AK9: variants seen among roughly 807,000 people sequenced by gnomAD.
The protein encoded by AK9 is adenylate kinase domain containing 1.
Under a neutral mutation model 239.6 loss-of-function variants are expected in AK9, and 191 were observed. The observed-to-expected ratio is 0.80, with a 90% CI of 0.71 to 0.90. The LOEUF is 0.90. Among genes scored for constraint, AK9 ranks in the 40% least tolerant of loss-of-function variants. The pLI is 0.00. For missense variants in AK9, 1,995 were observed against 2,214.7 expected, an observed-to-expected ratio of 0.90 and a Z score of 1.99; for synonymous variants, 689 against 721.0, an observed-to-expected ratio of 0.96 and a Z score of 0.71.
At chr6:109,600,842 CT>C (rs1791843851) in intron 17 of AK9, among the ~76,000 whole-genome samples, 1 of 152,170 alleles carries the variant, frequency 6.6e-6, no homozygotes, top group Non-Finnish European at 1.5e-5. Flanking sequence ...TCCATTTCTT[CT>C]AAATTTTCTA....
At chr6:109,588,740 T>C (rs902059641) in intron 17 of AK9, among the ~76,000 whole-genome samples, 1 of 152,014 alleles carries the variant, frequency 6.6e-6, no homozygotes, top group African/African-American at 2.4e-5. Flanking sequence ...TTTTAACCCA[T>C]GTTAATTTTG....
chr6:109,598,494 T>C (rs1791390490), intron 17 of AK9, among the ~76,000 whole-genome samples: 1 of 152,200 alleles, frequency 6.6e-6, no homozygotes, highest in South Asian at 2.1e-4. Context: ...TTGGGTTGGT[T>C]CTAAGTCTTT....
In AK9 at chr6:109,493,126, T is replaced by C; in HGVS notation, c.*243A>G. The stretch of plus-strand genomic sequence containing the variant: ...AATTATAAATAGAATGTTTATTTTG[T>C]TAAAGCATCAAAGTTCAGGCAAAGA... On this transcript the variant is annotated 3_prime_UTR_variant, in exon 41 of 41. Transcript: ENST00000424296. 2.9e-6 allele frequency: 1 copy of C among 342,236 alleles called. No individual in the cohort carries two copies. Among genetic ancestry groups the C allele is most frequent in the South Asian group, 8.3e-5 (1 of 12,042 alleles). The allele number at this position is 342,236 out of a possible 1,614,324, so 21.2% of individuals were successfully genotyped here. A position where few individuals can be genotyped will look rare whatever the true frequency, so the allele number is the denominator to read the frequency against.
chr6:109,618,084 T>C (rs1794392276), intron 13 of AK9, among the ~76,000 whole-genome samples: 1 of 152,112 alleles, frequency 6.6e-6, no homozygotes. Flanking sequence ...AAAACATAAT[T>C]AGGAAAAGGA....
chr6:109,553,983 G>A (rs1784662605), intron 24 of AK9, among the ~76,000 whole-genome samples: 1 of 152,152 alleles, frequency 6.6e-6, no homozygotes, highest in Non-Finnish European at 1.5e-5. Context: ...CTTTGGTTCT[G>A]TTTATGTGAT....
At chr6:109,620,478 G>C (rs1341616945) in intron 12 of AK9, among the ~76,000 whole-genome samples, 1 of 151,890 alleles carries the variant, frequency 6.6e-6, no homozygotes, top group South Asian at 2.1e-4. Context: ...GCCTAAAATT[G>C]TGTTAGAATA....
intron 21 of AK9, among the ~76,000 whole-genome samples, chr6:109,573,167 C>T (rs968127818): frequency 6.6e-6 from 1 of 152,120 alleles, no homozygotes; most frequent in African/African-American, 2.4e-5. Context: ...TATTTTACTA[C>T]CTTTAATGAC....
chr6:109,506,977 G>T (rs1460615184), intron 33 of AK9, among the ~76,000 whole-genome samples, 177 bp from the exon 34 acceptor site: 1 of 151,998 alleles, frequency 6.6e-6, no homozygotes, highest in African/African-American at 2.4e-5. Context: ...TCTCAGTCAG[G>T]CCAAGAGCCA....
Position 109,550,087 on chromosome 6 carries a change from C to G in AK9, c.2964+3G>C. On this transcript the variant is annotated splice_donor_region_variant and intron_variant, in intron 25 of 40. Coordinates refer to ENST00000424296, the MANE Select transcript of AK9 (RefSeq NM_001145128.3). ...AATCATTAAGATAGGAATACTGTCT[C>G]ACCTTCAATGGTTCTTCATGAGCCA... The G allele has an allele frequency of 2.5e-6, 4 of 1,613,212 alleles. No homozygotes were observed. The highest frequency in any genetic ancestry group is 3.4e-6 in the Non-Finnish European group (4 of 1,179,782).
intron 29 of AK9, among the ~76,000 whole-genome samples, chr6:109,525,477 C>T (rs1163551795): frequency 6.6e-6 from 1 of 152,068 alleles, no homozygotes; most frequent in African/African-American, 2.4e-5. Context: ...CCCAAAACAA[C>T]AACCCCATTA....
intron 12 of AK9, among the ~76,000 whole-genome samples, chr6:109,620,927 T>C (rs1794733606): frequency 1.3e-5 from 2 of 151,898 alleles, no homozygotes; most frequent in African/African-American, 4.8e-5. Flanking sequence ...GGCATAGGAA[T>C]TGGAAATACA....
intron 35 of AK9, among the ~76,000 whole-genome samples, chr6:109,505,245 T>A (rs1379686286): frequency 7.9e-5 from 12 of 152,222 alleles, no homozygotes; most frequent in Admixed American, 7.9e-4. Context: ...TATAGGACTC[T>A]CTTAGTCACA....
At chr6:109,512,959 G>A (rs1372768057) in intron 32 of AK9, among the ~76,000 whole-genome samples, 1 of 152,162 alleles carries the variant, frequency 6.6e-6, no homozygotes, top group African/African-American at 2.4e-5. Flanking sequence ...AATTTCCTTG[G>A]CTCAAGTGGT....
chr6:109,613,403 A>G (rs1793805353), intron 15 of AK9, among the ~76,000 whole-genome samples: 1 of 152,018 alleles, frequency 6.6e-6, no homozygotes. Context: ...AACAAATATG[A>G]ATATAAATTT....
At position 109,506,944 on chromosome 6, in the gene AK9, C is replaced by A. The variant is rs148159523; in HGVS notation, c.4482-144G>T. The A allele has an allele frequency of 6.2e-5, 80 of 1,289,428 alleles. 1 individual carries two copies. In the South Asian group the frequency reaches 1.3e-3, roughly 21 times the overall value. The allele number at this position is 1,289,428 out of a possible 1,614,324, so 79.9% of individuals were successfully genotyped here. On this transcript the variant is annotated intron_variant, in intron 33 of 40. Coordinates refer to ENST00000424296, the MANE Select transcript of AK9 (RefSeq NM_001145128.3). ...TCAATTTATTTTCTTCACACTTTGCCCTCTTCATCTCTACATCTTTAATCT... is the reference window on the plus strand; with the variant it reads ...TCAATTTATTTTCTTCACACTTTGCACTCTTCATCTCTACATCTTTAATCT...
At chr6:109,589,890 C>A (rs1228516664) in intron 17 of AK9, among the ~76,000 whole-genome samples, 1 of 152,058 alleles carries the variant, frequency 6.6e-6, no homozygotes, top group Non-Finnish European at 1.5e-5. Context: ...TATGCTGAAC[C>A]AACCTTGCAT....
chr6:109,498,945 A>G (rs937097111), intron 36 of AK9, 99 bp downstream of exon 36: 1 of 1,045,726 alleles, frequency 9.6e-7, no homozygotes, highest in Non-Finnish European at 1.3e-6. Flanking sequence ...TGGGGCTCCT[A>G]GTCCCAAGTT....
Position 109,569,644 on chromosome 6 carries a change from G to C in AK9, c.2344+3798C>G, listed in dbSNP as rs1323332163. ...GGATATGAACAGACACTTCTCAAAA[G>C]AAGACATTTCTGCAGCCAACAGACC... is the stretch of plus-strand genomic sequence containing the variant. On this transcript the variant is annotated intron_variant, in intron 21 of 40. Transcript: ENST00000424296. Among the ~76,000 whole-genome samples the C allele has an allele frequency of 3.9e-5, 6 of 152,260 alleles. No individual in the cohort carries two copies. In the East Asian group the frequency reaches 1.2e-3, roughly 29 times the overall value.
rs997678370 is a variant in AK9, at chr6:109,493,062, A to G, written c.*307T>C. 1 of 204,770 alleles carries G rather than the reference A, an allele frequency of 4.9e-6. No homozygotes were observed. The highest frequency in any genetic ancestry group is 2.3e-5 in the African/African-American group (1 of 43,158). The allele number at this position is 204,770 out of a possible 1,614,324, so 12.7% of individuals were successfully genotyped here. A position where few individuals can be genotyped will look rare whatever the true frequency, so the allele number is the denominator to read the frequency against. ...ACTGAAAATGTTAAAAAGGAAAATA[A>G]TACATTTATTAAATAAGTCACTTAA... is the stretch of plus-strand genomic sequence containing the variant. On this transcript the variant is annotated 3_prime_UTR_variant, in exon 41 of 41. Transcript: ENST00000424296.
Sources: allele counts gnomAD v4.1 joint callset (sites outside exome capture counted in the v4.1 genomes callset), GRCh38; gene constraint gnomAD v4.1.1; transcripts MANE v1.5; gene names NCBI Gene and HGNC (gene_info 2026-07-23, HGNC 2026-07-21).